Variants in ADGRV1 observed in about 807,000 individuals in gnomAD.
ADGRV1 encodes G-protein coupled receptor 98.
A neutral mutation model predicts 596.2 loss-of-function variants in ADGRV1; 359 were observed. The ratio of observed to expected loss-of-function variants is 0.60; its 90% CI spans 0.55 to 0.66. The LOEUF (loss-of-function observed/expected upper bound fraction) is 0.66. Among genes scored for constraint, ADGRV1 ranks in the 30% least tolerant of loss-of-function variants. The probability of loss-of-function intolerance (pLI) is 0.00; values close to 1 mark genes in which losing one functional copy is unlikely to be tolerated. For missense variants in ADGRV1, 7,274 were observed against 7,575.6 expected (o/e 0.96, Z 1.48); for synonymous variants, 2,681 against 2,679.2 (o/e 1.00, Z -0.02).
intron 85 of ADGRV1, among the ~76,000 whole-genome samples, chr5:91,022,251 A>G (rs1783699423): frequency 1.3e-5 from 2 of 152,084 alleles, no homozygotes; most frequent in African/African-American, 4.8e-5. Flanking sequence ...AATGTAATCT[A>G]GAATCTATGA....
chr5:90,700,212 G>A (rs1747733139), intron 34 of ADGRV1, among the ~76,000 whole-genome samples: 1 of 152,078 alleles, frequency 6.6e-6, no homozygotes, highest in East Asian at 1.9e-4. Context: ...AGAGATAACC[G>A]CTAAACAAAT....
At chr5:90,766,066 C>A (rs1285443672) in intron 59 of ADGRV1, among the ~76,000 whole-genome samples, 2 of 152,014 alleles carry the variant, frequency 1.3e-5, no homozygotes, top group Admixed American at 6.6e-5. Context: ...CCCGCCACCA[C>A]ACCTGGCTAA....
At chr5:90,734,581 A>ATTTTTTT (rs3045850) in intron 50 of ADGRV1, among the ~76,000 whole-genome samples, 1 of 101,112 alleles carries the variant, frequency 9.9e-6, no homozygotes, top group East Asian at 2.9e-4. Context: ...TCTTTAGCCT[A>ATTTTTTT]TTTTTTTTTT....
At chr5:90,680,917 G>A (rs1020268396) in intron 26 of ADGRV1, among the ~76,000 whole-genome samples, 31 of 152,090 alleles carry the variant, frequency 2.0e-4, no homozygotes, top group Middle Eastern at 3.2e-3. Flanking sequence ...AATCTGTTCC[G>A]CCAGAATGGG....
chr5:90,783,938 T>G lies in ADGRV1; in HGVS notation c.13534T>G (p.Ser4512Ala), dbSNP rs763756277. The G allele has an allele frequency of 1.2e-6, 2 of 1,612,310 alleles. No individual in the cohort carries two copies. The highest frequency in any genetic ancestry group is 1.7e-6 in the Non-Finnish European group (2 of 1,179,182). The change falls in exon 67 of 90, where the codon TCT becomes GCT. Residue 4512 changes from serine (S) to alanine (A), a missense_variant. This residue lies in a region of ADGRV1 where 3,643 missense variants were observed against 3,809.2 expected (regional missense o/e 0.96). Transcript: ENST00000405460. ...VSRIIIAKSDSPFGVIRFLNQ... is the reference protein window; with the variant it reads ...VSRIIIAKSDAPFGVIRFLNQ... ...CAGAATCATAATAGCTAAGAGTGAC[T>G]CTCCCTTTGGAGTTATAAGGTTTCT... is the stretch of plus-strand genomic sequence containing the variant.
At chr5:90,662,699 G>A (rs1204911036) in intron 21 of ADGRV1, among the ~76,000 whole-genome samples, 1 of 151,470 alleles carries the variant, frequency 6.6e-6, no homozygotes, top group Non-Finnish European at 1.5e-5. Context: ...CCATGCTGGT[G>A]CTCTGCACCC....
At chr5:90,827,371 CTT>C (rs1371193827) in intron 76 of ADGRV1, among the ~76,000 whole-genome samples, 5 of 152,108 alleles carry the variant, frequency 3.3e-5, no homozygotes, top group African/African-American at 9.7e-5. Context: ...CTTGAAGACT[CTT>C]TATGTTACTA....
chr5:90,848,074 A>C (rs1374707552), intron 78 of ADGRV1, among the ~76,000 whole-genome samples: 2 of 152,168 alleles, frequency 1.3e-5, no homozygotes, highest in Non-Finnish European at 2.9e-5. Flanking sequence ...CTCTCAAAAA[A>C]ACAAATAACC....
chr5:90,974,276 A>C (rs1779344433), intron 84 of ADGRV1, among the ~76,000 whole-genome samples: 1 of 150,650 alleles, frequency 6.6e-6, no homozygotes, highest in Non-Finnish European at 1.5e-5. Flanking sequence ...CATACTGCCC[A>C]AGGTAATTTA....
In ADGRV1 at chr5:90,840,651, C is replaced by T. The variant is rs750310846; in HGVS notation, c.16685C>T (p.Thr5562Ile). 1.2e-6 allele frequency: 2 copies of T among 1,613,798 alleles called. No individual in the cohort carries two copies. Among genetic ancestry groups the T allele is most frequent in the Non-Finnish European group, 1.7e-6 (2 of 1,179,814 alleles). Residue 5562 changes from threonine to isoleucine, a missense_variant, in exon 78 of 90, where the codon ACT becomes ATT. Physicochemically the swap from Thr to Ile is moderately conservative, Grantham distance 89. This residue lies in a region of ADGRV1 where 1,874 missense variants were observed against 1,970.2 expected (regional missense o/e 0.95). Transcript: ENST00000405460. ...PAISGKDFVI[T>I]EGTLVFEPGQ... ...ATTTCTGGAAAGGATTTTGTGATAA[C>T]TGAAGGCACATTGGTCTTTGAACCT...
intron 83 of ADGRV1, among the ~76,000 whole-genome samples, chr5:90,917,292 G>A (rs1037795193): frequency 4.6e-5 from 7 of 151,180 alleles, no homozygotes; most frequent in Non-Finnish European, 8.8e-5. Context: ...TTTATAAATG[G>A]AGCCATTGGT....
chr5:90,936,538 ACTTT>A (rs1385663729), intron 83 of ADGRV1, among the ~76,000 whole-genome samples: 6 of 151,798 alleles, frequency 4.0e-5, no homozygotes, highest in African/African-American at 1.5e-4. Context: ...GACTATCTCT[ACTTT>A]TATTCTAATT....
rs1766414657 is a variant in ADGRV1, at chr5:90,637,809, G to A, written c.2101G>A (p.Ala701Thr). ...SLKPSGFNSKAVTPDDIGPFN... is the reference protein window; with the variant it reads ...SLKPSGFNSKTVTPDDIGPFN... ...GAAGCCCTCTGGCTTTAATTCAAAA[G>A]CAGTGACCCCGGATGATATAGGCCC... The change falls in exon 11 of 90, where the codon GCA (alanine) becomes ACA (threonine). Residue 701 changes from alanine (A) to threonine (T), a missense_variant. By Grantham distance (58) the Ala-to-Thr change is moderately conservative. This residue lies in a region of ADGRV1 where 1,715 missense variants were observed against 1,708.8 expected (regional missense o/e 1.00). Coordinates refer to ENST00000405460, the MANE Select transcript of ADGRV1 (RefSeq NM_032119.4). The A allele has an allele frequency of 1.2e-6, 2 of 1,613,620 alleles. No individual in the cohort carries two copies. Among genetic ancestry groups the A allele is most frequent in the Non-Finnish European group, 1.7e-6 (2 of 1,179,754 alleles).
At chr5:91,066,139 G>T (rs1203346004) in intron 85 of ADGRV1, among the ~76,000 whole-genome samples, 5 of 152,208 alleles carry the variant, frequency 3.3e-5, no homozygotes, top group Admixed American at 1.3e-4. Flanking sequence ...TCTGCCAGAT[G>T]TGTTCTTGAA....
chr5:90,932,722 A>T (rs1174329492), intron 83 of ADGRV1, among the ~76,000 whole-genome samples: 1 of 140,262 alleles, frequency 7.1e-6, no homozygotes. Context: ...TCGCTGCAAA[A>T]GACAAACAGT....
At chr5:90,774,139 G>C in intron 59 of ADGRV1, 47 bp from the exon 60 acceptor site, 1 of 1,017,856 alleles carries the variant, frequency 9.8e-7, no homozygotes, top group Non-Finnish European at 1.5e-6. Flanking sequence ...TTCAAACTTT[G>C]GCTTTGGTCA....
rs749598469 is a variant in ADGRV1, at chr5:90,985,534, C to A, written c.18152+12C>A. The A allele has an allele frequency of 5.0e-6, 8 of 1,602,062 alleles. No individual in the cohort carries two copies. Among genetic ancestry groups the A allele is most frequent in the Non-Finnish European group, 6.8e-6 (8 of 1,169,774 alleles). On this transcript the variant is annotated intron_variant, in intron 85 of 89. Transcript: ENST00000405460. ...ATTCATGGTGACCTGTAAGTACACC[C>A]AGGCAACACATTGCCCTAGCTTTCA...
At chr5:90,779,256 G>T in intron 64 of ADGRV1, 159 bp downstream of exon 64, 1 of 436,428 alleles carries the variant, frequency 2.3e-6, no homozygotes, top group East Asian at 3.3e-5. Flanking sequence ...GGGAAATTAT[G>T]ACAATGACTG....
intron 85 of ADGRV1, among the ~76,000 whole-genome samples, chr5:91,013,147 T>A (rs1029366811): frequency 5.3e-5 from 8 of 152,100 alleles, no homozygotes; most frequent in Non-Finnish European, 1.0e-4. Context: ...TTTAGGTTGA[T>A]TCCATGTCTT....
Sources: allele counts gnomAD v4.1 joint callset (sites outside exome capture counted in the v4.1 genomes callset), GRCh38; gene constraint gnomAD v4.1.1; regional missense constraint gnomAD v4.1.1; transcripts MANE v1.5; gene names NCBI Gene and HGNC (gene_info 2026-07-23, HGNC 2026-07-21).